Variants in CNTN6 observed in about 807,000 individuals in gnomAD.
CNTN6 encodes the protein contactin-6.
CNTN6 carries 137 observed loss-of-function variants against 122.8 expected under a neutral mutation model. That is an observed-to-expected ratio of 1.12 (90% CI 0.97 to 1.29). CNTN6 has a LOEUF of 1.29. Ranked by LOEUF, CNTN6 falls within the 50% of genes most tolerant of loss-of-function variation. The pLI is 0.00. For synonymous variants in CNTN6, 570 were observed against 426.0 expected (o/e 1.34, Z -4.16); for missense variants, 1,634 against 1,223.4 (o/e 1.34, Z -5.01).
At chr3:1,318,126 GAAAGAAAGAA>G (rs1370814864) in intron 7 of CNTN6, among the ~76,000 whole-genome samples, 4 of 150,794 alleles carry the variant, frequency 2.7e-5, no homozygotes, top group South Asian at 2.1e-4. Flanking sequence ...AGAAGAGAGA[GAAAGAAAGAA>G]AAAGAAAGAA....
chr3:1,372,074 A>G (rs155854), intron 12 of CNTN6, among the ~76,000 whole-genome samples: 60,436 of 151,968 alleles, frequency 0.4, 12,573 homozygotes, highest in East Asian at 0.66. Context: ...AACTATTTTC[A>G]TATAAGGTGT....
intron 2 of CNTN6, among the ~76,000 whole-genome samples, chr3:1,187,601 T>C (rs917458636): frequency 6.6e-6 from 1 of 152,168 alleles, no homozygotes; most frequent in African/African-American, 2.4e-5. Context: ...ATAGGGAGGC[T>C]GGGGTGGTCT....
At chr3:1,131,512 T>C (rs1266226749) in intron 1 of CNTN6, among the ~76,000 whole-genome samples, 1 of 152,084 alleles carries the variant, frequency 6.6e-6, no homozygotes, top group African/African-American at 2.4e-5. Flanking sequence ...CCTATTTTGA[T>C]TTGAATTGGG....
At chr3:1,251,236 T>C (rs2094662776) in intron 4 of CNTN6, among the ~76,000 whole-genome samples, 1 of 152,158 alleles carries the variant, frequency 6.6e-6, no homozygotes, top group Non-Finnish European at 1.5e-5. Context: ...GATGACTCTT[T>C]TAAGACTTTG....
intron 7 of CNTN6, among the ~76,000 whole-genome samples, chr3:1,298,728 C>A (rs1479628618): frequency 1.3e-5 from 2 of 152,140 alleles, no homozygotes; most frequent in Admixed American, 1.3e-4. Context: ...TACCTGGGGA[C>A]ATGGTTAAAT....
rs199682102 is a variant in CNTN6, at chr3:1,360,952, A to G, written c.1492+8501A>G. Among the ~76,000 whole-genome samples the G allele has an allele frequency of 3.3e-5, 5 of 151,968 alleles. No homozygotes were observed. In the East Asian group the frequency reaches 9.6e-4, roughly 29 times the overall value. On this transcript the variant is annotated intron_variant, in intron 12 of 22. Transcript: ENST00000446702. ...TTTCTTTCATTTAAACCCCATATTC[A>G]ATTGCCCCAAAATGGTTTCAGCTTC...
At chr3:1,306,091 A>T (rs378906) in intron 7 of CNTN6, among the ~76,000 whole-genome samples, 94,646 of 152,010 alleles carry the variant, frequency 0.62, 31,826 homozygotes, top group African/African-American at 0.88. Flanking sequence ...GGTTTATTGA[A>T]TTAATCACTC....
intron 7 of CNTN6, among the ~76,000 whole-genome samples, chr3:1,313,246 A>G (rs189640809): frequency 1.3e-5 from 2 of 152,222 alleles, no homozygotes; most frequent in Admixed American, 1.3e-4. Flanking sequence ...TATCATATTC[A>G]GCTCTACCAC....
chr3:1,148,051 A>G lies in CNTN6; in HGVS notation c.43A>G (p.Asn15Asp). 1 of 1,607,934 alleles carries G rather than the reference A, an allele frequency of 6.2e-7. No individual in the cohort carries two copies. Among genetic ancestry groups the G allele is most frequent in the East Asian group, 2.2e-5 (1 of 44,702 alleles). Residue 15 changes from asparagine to aspartate, a missense_variant, in exon 2 of 23, where the codon AAC (asparagine) becomes GAC (aspartate). Transcript: ENST00000446702. ...ACTGGTAATTCTGCTGCCACTCATA[A>G]ACTCTTCTGCAGGTAAAGTGTTCTA... ...WKLVILLPLI[N>D]SSAGDGLLSR... is the part of the protein sequence containing the mutation.
intron 20 of CNTN6, among the ~76,000 whole-genome samples, chr3:1,386,774 T>C (rs1376656581): frequency 6.6e-6 from 1 of 152,122 alleles, no homozygotes; most frequent in Non-Finnish European, 1.5e-5. Flanking sequence ...CTAAGACAAA[T>C]TCAGTGCCAC....
intron 4 of CNTN6, among the ~76,000 whole-genome samples, chr3:1,253,238 C>A (rs185128592): frequency 5.9e-4 from 90 of 152,212 alleles, no homozygotes; most frequent in African/African-American, 2.1e-3. Flanking sequence ...GACACCATGT[C>A]CTTTACCCTT....
At chr3:1,227,296 C>T (rs1280305945) in intron 3 of CNTN6, among the ~76,000 whole-genome samples, 1 of 152,122 alleles carries the variant, frequency 6.6e-6, no homozygotes, top group Non-Finnish European at 1.5e-5. Flanking sequence ...GATTAATTTT[C>T]CAAGTAACAT....
In CNTN6 at chr3:1,383,285, G is replaced by A. The variant is rs776508418; in HGVS notation, c.2402-8G>A. 3 of 1,611,218 alleles carry A rather than the reference G, an allele frequency of 1.9e-6. No homozygotes were observed. The highest frequency in any genetic ancestry group is 1.1e-5 in the South Asian group (1 of 91,002). On this transcript the variant is annotated splice_region_variant and splice_polypyrimidine_tract_variant and intron_variant, in intron 18 of 22. Transcript: ENST00000446702. ...CTAAAGATGGTTATGTCTTTCTCTGGATGGTAGAACCTCAACTGGCCCCAA... is the reference window on the plus strand; with the variant it reads ...CTAAAGATGGTTATGTCTTTCTCTGAATGGTAGAACCTCAACTGGCCCCAA...
rs557023122 is a variant in CNTN6, at chr3:1,234,522, A to G, written c.358+6529A>G. 1.1e-3 allele frequency among the ~76,000 whole-genome samples: 161 copies of G among 152,294 alleles called. 2 individuals are homozygous for G. The highest frequency in any genetic ancestry group is 3.7e-3 in the African/African-American group (152 of 41,578). ...TCCCGATGATATGGTGATAAAGTGC[A>G]TTTATATCAGAAAAAGAAATTAAGA... On this transcript the variant is annotated intron_variant, in intron 4 of 22. Coordinates refer to ENST00000446702, the MANE Select transcript of CNTN6 (RefSeq NM_001289080.2).
Position 1,326,299 on chromosome 3 carries a change from G to A in CNTN6, c.1083+348G>A, listed in dbSNP as rs1356948503. ...AGCCCTGTGTTAAATATTTTTCCGT[G>A]CATTATCTTATTGCACCCTCATGAA... On this transcript the variant is annotated intron_variant, in intron 9 of 22. Coordinates refer to ENST00000446702, the MANE Select transcript of CNTN6 (RefSeq NM_001289080.2). Among the ~76,000 whole-genome samples the A allele has an allele frequency of 3.3e-5, 5 of 151,736 alleles. No homozygotes were observed. The East Asian group carries it at 9.7e-4, about 29-fold the overall frequency.
At chr3:1,130,980 G>A (rs2092320945) in intron 1 of CNTN6, among the ~76,000 whole-genome samples, 1 of 152,084 alleles carries the variant, frequency 6.6e-6, no homozygotes, top group Non-Finnish European at 1.5e-5. Context: ...ACAAAATCAT[G>A]GAATATTAAG....
chr3:1,387,210 T>C (rs1389558916), intron 20 of CNTN6, among the ~76,000 whole-genome samples: 1 of 152,168 alleles, frequency 6.6e-6, no homozygotes, highest in Non-Finnish European at 1.5e-5. Context: ...AAATACAAAG[T>C]GCTGTGGAAC....
chr3:1,269,613 CTA>C (rs2094988692), intron 4 of CNTN6, among the ~76,000 whole-genome samples: 1 of 152,112 alleles, frequency 6.6e-6, no homozygotes. Flanking sequence ...GCAAATGTGT[CTA>C]TTATAGAAAA....
intron 4 of CNTN6, among the ~76,000 whole-genome samples, chr3:1,236,585 C>G (rs999817180): frequency 1.3e-5 from 2 of 152,114 alleles, no homozygotes. Flanking sequence ...TGAAGAGCAG[C>G]CCTTGAATCC....
Sources: allele counts gnomAD v4.1 joint callset (sites outside exome capture counted in the v4.1 genomes callset), GRCh38; gene constraint gnomAD v4.1.1; transcripts MANE v1.5; gene names NCBI Gene and HGNC (gene_info 2026-07-23, HGNC 2026-07-21).